Variants in NXPH1 observed in about 807,000 individuals in gnomAD.
The protein encoded by NXPH1 is neurexophilin-1.
In NXPH1, 5 loss-of-function variants were observed where a neutral mutation model predicts 23.7. The ratio of observed to expected loss-of-function variants is 0.21; its 90% confidence interval spans 0.11 to 0.44. NXPH1 has a LOEUF of 0.44. Ranked by LOEUF, NXPH1 falls within the 20% of genes least tolerant of loss-of-function variation. NXPH1 has a pLI of 0.99. For synonymous variants in NXPH1, 144 were observed against 122.2 expected (o/e 1.18, Z -1.18); for missense variants, 324 against 321.6 (o/e 1.01, Z -0.06).
chr7:8,570,848 T>C (rs10237012), intron 2 of NXPH1, among the ~76,000 whole-genome samples: 2,300 of 151,776 alleles, frequency 0.015, 60 homozygotes, highest in African/African-American at 0.051. Flanking sequence ...TTTTGATAAT[T>C]TGGTAGGCAA....
chr7:8,643,085 G>A (rs1029715415), intron 2 of NXPH1, among the ~76,000 whole-genome samples: 3 of 151,924 alleles, frequency 2.0e-5, no homozygotes, highest in Middle Eastern at 3.4e-3. Context: ...GGCTGGTCTC[G>A]AACTCCTGAC....
chr7:8,688,570 G>A (rs931026465), intron 2 of NXPH1, among the ~76,000 whole-genome samples: 6 of 152,172 alleles, frequency 3.9e-5, no homozygotes, highest in Non-Finnish European at 4.4e-5. Context: ...TTGATCTGTT[G>A]CATGACAGGC....
intron 2 of NXPH1, among the ~76,000 whole-genome samples, chr7:8,541,894 A>C (rs1420304886): frequency 6.6e-6 from 1 of 151,662 alleles, no homozygotes; most frequent in African/African-American, 2.4e-5. Flanking sequence ...TGGAGTAACA[A>C]AAATATTTAG....
rs190743743 is a variant in NXPH1, at chr7:8,669,384, C to T, written c.55-81624C>T. On this transcript the variant is annotated intron_variant, in intron 2 of 2. Transcript: ENST00000405863. ...AGAGGTTGAGTCTGAAGATGCTGGC[C>T]TGATTACTAGGGATGTGGGGGCTGG... Among the ~76,000 whole-genome samples the T allele has an allele frequency of 2.0e-5, 3 of 151,942 alleles. No homozygotes were observed. In the East Asian group the frequency reaches 5.9e-4, roughly 30 times the overall value.
At chr7:8,499,238 A>T (rs1278052713) in intron 2 of NXPH1, among the ~76,000 whole-genome samples, 1 of 152,094 alleles carries the variant, frequency 6.6e-6, no homozygotes, top group Non-Finnish European at 1.5e-5. Flanking sequence ...AAAAAAGAAC[A>T]GTTTGTTTGA....
At chr7:8,701,313 T>C (rs550667703) in intron 2 of NXPH1, among the ~76,000 whole-genome samples, 94 of 152,174 alleles carry the variant, frequency 6.2e-4, no homozygotes, top group African/African-American at 2.1e-3. Context: ...GATCCTTCTT[T>C]CCATAGAACC....
At chr7:8,625,959 T>C (rs1819978054) in intron 2 of NXPH1, among the ~76,000 whole-genome samples, 1 of 152,162 alleles carries the variant, frequency 6.6e-6, no homozygotes, top group Non-Finnish European at 1.5e-5. Context: ...TGACCTTCAA[T>C]TAGTTATATA....
chr7:8,729,825 G>T (rs1027915812), intron 2 of NXPH1, among the ~76,000 whole-genome samples: 3 of 151,888 alleles, frequency 2.0e-5, no homozygotes, highest in African/African-American at 7.3e-5. Flanking sequence ...TGTTGATTTG[G>T]GGTGGAGAGT....
chr7:8,732,807 A>T, intron 2 of NXPH1, among the ~76,000 whole-genome samples: 1 of 152,172 alleles, frequency 6.6e-6, no homozygotes, highest in Admixed American at 6.5e-5. Context: ...AAGGCCTAGG[A>T]TACAACTATT....
At chr7:8,674,992 C>A (rs1296052395) in intron 2 of NXPH1, among the ~76,000 whole-genome samples, 2 of 152,104 alleles carry the variant, frequency 1.3e-5, no homozygotes, top group African/African-American at 4.8e-5. Context: ...GACAGAGCAA[C>A]CCTGACTATT....
intron 2 of NXPH1, among the ~76,000 whole-genome samples, chr7:8,679,096 C>G (rs1238175251): frequency 6.6e-6 from 1 of 151,568 alleles, no homozygotes; most frequent in Admixed American, 6.6e-5. Context: ...TATAGGCGCC[C>G]ACCACCACGC....
At chr7:8,509,852 C>A (rs1817585853) in intron 2 of NXPH1, among the ~76,000 whole-genome samples, 1 of 152,110 alleles carries the variant, frequency 6.6e-6, no homozygotes, top group South Asian at 2.1e-4. Context: ...GGAAGCTGGG[C>A]AACAACATTT....
intron 2 of NXPH1, among the ~76,000 whole-genome samples, chr7:8,451,879 T>C (rs963042160): frequency 1.3e-5 from 2 of 152,236 alleles, no homozygotes; most frequent in African/African-American, 4.8e-5. Flanking sequence ...TTCATGATCC[T>C]TTCCCCATTA....
intron 2 of NXPH1, among the ~76,000 whole-genome samples, chr7:8,630,851 T>C (rs1820111503): frequency 6.6e-6 from 1 of 152,200 alleles, no homozygotes; most frequent in African/African-American, 2.4e-5. Flanking sequence ...TGGGAGTTTG[T>C]TGTACAGGAT....
At chr7:8,513,253 T>C (rs1021409286) in intron 2 of NXPH1, among the ~76,000 whole-genome samples, 2 of 151,966 alleles carry the variant, frequency 1.3e-5, no homozygotes, top group African/African-American at 4.8e-5. Context: ...GGAAACAGAA[T>C]ATATAGGGAT....
intron 2 of NXPH1, among the ~76,000 whole-genome samples, chr7:8,588,166 C>A (rs1451554384): frequency 1.6e-4 from 25 of 152,126 alleles, no homozygotes; most frequent in Non-Finnish European, 1.5e-5. Flanking sequence ...TAAATTAGTT[C>A]AACCATTGTG....
intron 2 of NXPH1, among the ~76,000 whole-genome samples, chr7:8,750,266 C>T (rs188218013): frequency 2.9e-4 from 44 of 152,206 alleles, no homozygotes; most frequent in African/African-American, 9.4e-4. Context: ...ATATGGATAA[C>T]GAAATAGTCT....
chr7:8,751,136 G>C lies in NXPH1; in HGVS notation c.183G>C (p.Gln61His). 6.2e-7 allele frequency: 1 copy of C among 1,613,832 alleles called. No homozygotes were observed. Residue 61 changes from glutamine to histidine, a missense_variant, in exon 3 of 3, where the codon CAG (glutamine) becomes CAC (histidine). Coordinates refer to ENST00000405863, the MANE Select transcript of NXPH1 (RefSeq NM_152745.3). The surrounding 1 kb of genome is among the most constrained non-coding windows in gnomAD (Gnocchi z 4.5). ...TGTCTATCAGCCGACTCCTGTCACA[G>C]ACTTTTCGTGGCAAAGAGAATGATA... ...KDLSISRLLS[Q>H]TFRGKENDTD...
chr7:8,629,054 T>G (rs1290676053), intron 2 of NXPH1, among the ~76,000 whole-genome samples: 1 of 151,608 alleles, frequency 6.6e-6, no homozygotes, highest in Non-Finnish European at 1.5e-5. Context: ...AGATAAGAAA[T>G]GAATAAAAAC....
Sources: gnomAD v4.1 joint callset for allele counts (sites outside exome capture counted in the v4.1 genomes callset) on GRCh38, gnomAD v4.1.1 for gene constraint, Gnocchi (gnomAD v3.1) non-coding constraint, MANE v1.5 for transcripts, NCBI Gene and HGNC (gene_info 2026-07-23, HGNC 2026-07-21) for gene names.